PKIB: variants seen among roughly 807,000 people sequenced by gnomAD.
PKIB encodes the protein PKI-beta.
PKIB carries 2 observed loss-of-function variants against 4.5 expected under a neutral mutation model. That is an observed-to-expected ratio of 0.44 (90% CI 0.18 to 1.39). The LOEUF (loss-of-function observed/expected upper bound fraction) is 1.39. PKIB is among the 40% of genes most tolerant of loss of function. PKIB has a pLI of 0.27. For synonymous variants in PKIB, 38 were observed against 36.0 expected (o/e 1.06, Z -0.20); for missense variants, 94 against 92.6 (o/e 1.02, Z -0.06).
At chr6:122,591,400 C>T (rs531705325) in intron 3 of PKIB, among the ~76,000 whole-genome samples, 21 of 152,268 alleles carry the variant, frequency 1.4e-4, no homozygotes, top group African/African-American at 4.6e-4. Context: ...CTTTGCATAA[C>T]ACCCCATAGA....
At chr6:122,690,851 G>A (rs1048178496) in intron 3 of PKIB, among the ~76,000 whole-genome samples, 7 of 149,746 alleles carry the variant, frequency 4.7e-5, no homozygotes, top group Non-Finnish European at 1.0e-4. Flanking sequence ...CAGGTCTGGT[G>A]TTGATGAAAT....
chr6:122,501,846 C>G (rs546972838), intron 2 of PKIB, among the ~76,000 whole-genome samples: 1 of 151,916 alleles, frequency 6.6e-6, no homozygotes, highest in Non-Finnish European at 1.5e-5. Context: ...TGCAAATTTT[C>G]CAAACTTTTG....
chr6:122,574,159 C>A (rs1428371824), intron 2 of PKIB, among the ~76,000 whole-genome samples: 1 of 152,160 alleles, frequency 6.6e-6, no homozygotes, highest in Non-Finnish European at 1.5e-5. Context: ...GAACTCAATC[C>A]CTTTTGCAAC....
chr6:122,679,885 G>A (rs1206368600), intron 3 of PKIB, among the ~76,000 whole-genome samples: 5 of 152,188 alleles, frequency 3.3e-5, no homozygotes, highest in Admixed American at 6.5e-5. Flanking sequence ...CTGAGGCTTC[G>A]AGAGCTTAAG....
chr6:122,538,755 T>A (rs1200762133), intron 2 of PKIB, among the ~76,000 whole-genome samples: 2 of 152,128 alleles, frequency 1.3e-5, no homozygotes, highest in Non-Finnish European at 1.5e-5. Flanking sequence ...ATTGAATCTA[T>A]AAATTACCTT....
intron 2 of PKIB, among the ~76,000 whole-genome samples, chr6:122,489,522 A>G (rs1479427802): frequency 2.6e-5 from 4 of 152,232 alleles, no homozygotes; most frequent in Admixed American, 1.3e-4. Flanking sequence ...TGCTGTGATT[A>G]CAGGCATGAG....
chr6:122,511,418 A>C (rs1282890729), intron 2 of PKIB, among the ~76,000 whole-genome samples: 1 of 152,180 alleles, frequency 6.6e-6, no homozygotes, highest in African/African-American at 2.4e-5. Context: ...GCTTTCTCCG[A>C]GTGCCCTGTT....
intron 3 of PKIB, among the ~76,000 whole-genome samples, chr6:122,690,822 T>G (rs1357561850): frequency 6.6e-6 from 1 of 152,014 alleles, no homozygotes; most frequent in Non-Finnish European, 1.5e-5. Context: ...AAGAACTCCC[T>G]TTAGTATTTC....
At chr6:122,634,195 C>T (rs1179138315) in intron 2 of PKIB, among the ~76,000 whole-genome samples, 1 of 152,024 alleles carries the variant, frequency 6.6e-6, no homozygotes, top group East Asian at 1.9e-4. Context: ...ACATCACACA[C>T]CGGGGCCTGT....
intron 3 of PKIB, among the ~76,000 whole-genome samples, chr6:122,687,928 T>A (rs1778156370): frequency 6.6e-6 from 1 of 152,064 alleles, no homozygotes; most frequent in African/African-American, 2.4e-5. Flanking sequence ...TCTTTCCAAT[T>A]TGGATGTCCT....
chr6:122,681,215 GT>G (rs1168744110), intron 3 of PKIB, among the ~76,000 whole-genome samples: 1 of 151,298 alleles, frequency 6.6e-6, no homozygotes, highest in Non-Finnish European at 1.5e-5. Flanking sequence ...TGTGTTAATA[GT>G]TTTTATAATG....
At position 122,540,690 on chromosome 6, in the gene PKIB, A is replaced by G. The variant is rs554389795; in HGVS notation, c.-247-45231A>G. 1.6e-4 allele frequency among the ~76,000 whole-genome samples: 24 copies of G among 152,164 alleles called. No individual in the cohort carries two copies. In the South Asian group the frequency reaches 4.6e-3, roughly 29 times the overall value. ...GGGGTGGAGAGCTCTGTAGATGTCA[A>G]TTAGGTCTGCTTGGTGCAGAGCTGA... On this transcript the variant is annotated intron_variant, in intron 2 of 6. Coordinates refer to the PKIB transcript ENST00000392491.
At chr6:122,581,596 A>C (rs1214449688) in intron 2 of PKIB, among the ~76,000 whole-genome samples, 3 of 152,172 alleles carry the variant, frequency 2.0e-5, no homozygotes, top group Admixed American at 2.0e-4. Flanking sequence ...AATTTTAAGC[A>C]TCAAGATTAA....
At chr6:122,611,829 C>T (rs1774772087) in intron 1 of PKIB, among the ~76,000 whole-genome samples, 1 of 152,096 alleles carries the variant, frequency 6.6e-6, no homozygotes, top group Non-Finnish European at 1.5e-5. Flanking sequence ...GTTTATAAAC[C>T]TTGTTTCCTG....
At position 122,527,875 on chromosome 6, in the gene PKIB, C is replaced by G. The variant is rs74991819; in HGVS notation, c.-248+49936C>G. On this transcript the variant is annotated intron_variant, in intron 2 of 6. Transcript: ENST00000392491. ...ACAATATTTGTGAAGCAAAATAAAG[C>G]AAACTGTAATAAAATGAAGTACATC... 2.2e-3 allele frequency among the ~76,000 whole-genome samples: 336 copies of G among 152,222 alleles called. 8 individuals are homozygous for G. The East Asian group carries it at 0.044, about 20-fold the overall frequency.
chr6:122,538,296 GTTT>G (rs996845390), intron 2 of PKIB, among the ~76,000 whole-genome samples: 5 of 152,044 alleles, frequency 3.3e-5, no homozygotes, highest in Non-Finnish European at 7.4e-5. Flanking sequence ...TTCTTCTAGG[GTTT>G]TTATGATTTT....
At chr6:122,673,383 G>A (rs530658195) in intron 2 of PKIB, among the ~76,000 whole-genome samples, 57 of 152,028 alleles carry the variant, frequency 3.7e-4, no homozygotes, top group African/African-American at 1.2e-3. Context: ...TGTCTTTTAG[G>A]TGTGTATATT....
intron 2 of PKIB, among the ~76,000 whole-genome samples, chr6:122,674,821 A>G (rs1777609158): frequency 6.6e-6 from 1 of 152,234 alleles, no homozygotes; most frequent in African/African-American, 2.4e-5. Context: ...AACAGCATCA[A>G]TGCAGCAATC....
chr6:122,555,670 T>G (rs1341584337), intron 2 of PKIB, among the ~76,000 whole-genome samples: 2 of 152,042 alleles, frequency 1.3e-5, no homozygotes, highest in African/African-American at 4.8e-5. Context: ...GCAGGCCTTC[T>G]TTTTCTTTTC....
Sources: gnomAD v4.1 joint callset for allele counts (sites outside exome capture counted in the v4.1 genomes callset) on GRCh38, gnomAD v4.1.1 for gene constraint, MANE v1.5 for transcripts, NCBI Gene and HGNC (gene_info 2026-07-23, HGNC 2026-07-21) for gene names.